OR1J2: variants seen among roughly 807,000 people sequenced by gnomAD.
OR1J2 encodes olfactory receptor family 1 subfamily J member 2.
For synonymous variants in OR1J2, 142 were observed against 99.7 expected, an observed-to-expected ratio of 1.42 and a Z score of -2.52; for missense variants, 304 against 246.1, an observed-to-expected ratio of 1.24 and a Z score of -1.57.
chr9:122,561,968 T>C, the OR1J2 span, among the ~76,000 whole-genome samples: 2 of 152,174 alleles, frequency 1.3e-5, no homozygotes, highest in African/African-American at 4.8e-5. Flanking sequence ...CCGTGGAGAC[T>C]ATGGCCACCC....
At chr9:122,482,274 T>C in the OR1J2 span, among the ~76,000 whole-genome samples, 27 of 152,206 alleles carry the variant, frequency 1.8e-4, no homozygotes, top group African/African-American at 6.5e-4. Context: ...GAAAACCACT[T>C]ATATAACTAA....
At chr9:122,465,244 G>GA in the OR1J2 span, among the ~76,000 whole-genome samples, 1 of 152,300 alleles carries the variant, frequency 6.6e-6, no homozygotes, top group South Asian at 2.1e-4. Context: ...GACAGGCAAT[G>GA]AGAGTGCAGA....
the OR1J2 span, chr9:122,519,486 A>C: frequency 6.2e-7 from 1 of 1,613,764 alleles, no homozygotes; most frequent in Non-Finnish European, 8.5e-7. Flanking sequence ...TTTCCTTCTC[A>C]CTTCAATGGC....
At chr9:122,536,199 T>G in the OR1J2 span, among the ~76,000 whole-genome samples, 1 of 152,292 alleles carries the variant, frequency 6.6e-6, no homozygotes, top group East Asian at 1.9e-4. Context: ...GAACTTTCTG[T>G]GTAAATGCAT....
At chr9:122,477,074 A>G in the OR1J2 span, 1 of 1,614,114 alleles carries the variant, frequency 6.2e-7, no homozygotes. Flanking sequence ...AATGGGTTCA[A>G]CATGGGAGTG....
the OR1J2 span, among the ~76,000 whole-genome samples, chr9:122,504,314 C>G: frequency 1.3e-5 from 2 of 152,214 alleles, no homozygotes; most frequent in African/African-American, 2.4e-5. Flanking sequence ...TATAATGCCA[C>G]TATCTACCAT....
Position 122,510,932 on chromosome 9 carries a change from T to C in OR1J2, c.131T>C (p.Leu44Pro), listed in dbSNP as rs780896253. The change falls in exon 1 of 1, where the codon CTC becomes CCC. Residue 44 changes from leucine (L) to proline (P), a missense_variant. Leu to Pro is a moderately conservative substitution (Grantham distance 98). Coordinates refer to ENST00000335302, the MANE Select transcript of OR1J2 (RefSeq NM_054107.1). ...CTGACCACGGTGCTGGGGAACCTGC[T>C]CATCATGCTGCTCATCCAGCTGGAC... ...MYLTTVLGNL[L>P]IMLLIQLDSH... The C allele has an allele frequency of 1.9e-6, 3 of 1,612,398 alleles. No individual in the cohort carries two copies. The highest frequency in any genetic ancestry group is 3.3e-5 in the Admixed American group (2 of 60,004).
At chr9:122,477,779 G>A in the OR1J2 span, 2 of 1,614,010 alleles carry the variant, frequency 1.2e-6, no homozygotes, top group South Asian at 2.2e-5. Flanking sequence ...GAGTCTAGCT[G>A]GATGAGCAGC....
chr9:122,514,923 C>T (rs1036175611), downstream of OR1J2, among the ~76,000 whole-genome samples: 19 of 152,302 alleles, frequency 1.2e-4, no homozygotes, highest in South Asian at 4.2e-4. Flanking sequence ...TGAATATCTC[C>T]GCAGGTGGAG....
At chr9:122,489,954 A>G in the OR1J2 span, among the ~76,000 whole-genome samples, 12 of 152,348 alleles carry the variant, frequency 7.9e-5, no homozygotes, top group South Asian at 2.5e-3. Context: ...AGGGATAGAC[A>G]CATAACATTT....
chr9:122,518,148 C>T, the OR1J2 span, among the ~76,000 whole-genome samples: 1 of 152,176 alleles, frequency 6.6e-6, no homozygotes, highest in Non-Finnish European at 1.5e-5. Flanking sequence ...AAATGTGGCA[C>T]ATATATGCCA....
At chr9:122,568,206 T>C in the OR1J2 span, 1 of 1,614,218 alleles carries the variant, frequency 6.2e-7, no homozygotes, top group African/African-American at 1.3e-5. Context: ...GGAGATGGTC[T>C]TCTTTTCTGA....
At chr9:122,530,872 T>A in the OR1J2 span, among the ~76,000 whole-genome samples, 1 of 152,162 alleles carries the variant, frequency 6.6e-6, no homozygotes, top group Non-Finnish European at 1.5e-5. Context: ...ATGTCATCAG[T>A]GAAGGCAGGA....
the OR1J2 span, among the ~76,000 whole-genome samples, chr9:122,556,838 G>T: frequency 6.6e-6 from 1 of 152,092 alleles, no homozygotes; most frequent in Admixed American, 6.5e-5. Context: ...TAATCAAGTT[G>T]GGAAGAATGA....
the OR1J2 span, chr9:122,553,279 G>A: frequency 6.2e-6 from 10 of 1,613,720 alleles, 1 homozygote; most frequent in South Asian, 3.3e-5. Flanking sequence ...CTCTCTGAGT[G>A]GCCAGAGGAG....
the OR1J2 span, chr9:122,476,865 C>G: frequency 8.1e-6 from 5 of 620,162 alleles, no homozygotes; most frequent in Non-Finnish European, 1.1e-5. Context: ...ACCACCATGC[C>G]CGGCTAATTT....
chr9:122,485,452 C>G, the OR1J2 span, among the ~76,000 whole-genome samples: 2 of 152,170 alleles, frequency 1.3e-5, no homozygotes, highest in Non-Finnish European at 2.9e-5. Flanking sequence ...CACCATTCTT[C>G]AGATTATCTG....
chr9:122,519,825 C>T, the OR1J2 span: 6 of 1,614,182 alleles, frequency 3.7e-6, no homozygotes, highest in South Asian at 5.5e-5. Context: ...CCTCAAGGCT[C>T]CATCTACTAA....
At chr9:122,498,073 T>G in the OR1J2 span, among the ~76,000 whole-genome samples, 10 of 147,674 alleles carry the variant, frequency 6.8e-5, no homozygotes, top group African/African-American at 2.5e-4. Context: ...TTTTTTTTTT[T>G]ATTATTGAGA....
Sources: gnomAD v4.1 joint callset for allele counts (sites outside exome capture counted in the v4.1 genomes callset) on GRCh38, gnomAD v4.1.1 for gene constraint, MANE v1.5 for transcripts, NCBI Gene and HGNC (gene_info 2026-07-23, HGNC 2026-07-21) for gene names.